Variants in CDC14A observed in about 807,000 individuals in gnomAD.
The protein encoded by CDC14A is dual specificity protein phosphatase CDC14A.
A neutral mutation model predicts 74.4 loss-of-function variants in CDC14A; 53 were observed. The observed-to-expected ratio is 0.71, with a 90% confidence interval of 0.57 to 0.89. The LOEUF is 0.89. CDC14A is among the 40% of genes least tolerant of loss of function. The pLI is 0.00. For missense variants in CDC14A, 646 were observed against 713.7 expected (o/e 0.91, Z 1.08); for synonymous variants, 247 against 258.4 (o/e 0.96, Z 0.43).
At chr1:100,432,369 A>G (rs1188223545) in intron 5 of CDC14A, among the ~76,000 whole-genome samples, 5 of 152,244 alleles carry the variant, frequency 3.3e-5, no homozygotes, top group African/African-American at 1.2e-4. Context: ...TCTGAAGTAT[A>G]CGGACAATAT....
chr1:100,350,968 C>T (rs1182125967), upstream of CDC14A, among the ~76,000 whole-genome samples: 1 of 151,998 alleles, frequency 6.6e-6, no homozygotes, highest in African/African-American at 2.4e-5. Context: ...CAAGGCAGGG[C>T]GGATTGCTTG....
At chr1:100,433,463 G>A (rs1226853663) in intron 5 of CDC14A, among the ~76,000 whole-genome samples, 1 of 152,114 alleles carries the variant, frequency 6.6e-6, no homozygotes, top group Non-Finnish European at 1.5e-5. Flanking sequence ...CCAACCCATT[G>A]CTCTGCAATT....
At position 100,390,784 on chromosome 1, in the gene CDC14A, G is replaced by A. The variant is rs759797751; in HGVS notation, c.269G>A (p.Arg90Gln). ...KIVHYTCFDQ[R>Q]KRANAAFLIG... is the part of the protein sequence containing the mutation. ...GTGCACTACACCTGTTTTGACCAACGGAAAAGAGCAAATGCAGCATTTTTG... is the reference window on the plus strand; with the variant it reads ...GTGCACTACACCTGTTTTGACCAACAGAAAAGAGCAAATGCAGCATTTTTG... The change falls in exon 4 of 16, where the codon CGG (arginine) becomes CAG (glutamine). Residue 90 changes from arginine to glutamine, a missense_variant. Physicochemically the swap from Arg to Gln is conservative, Grantham distance 43. Coordinates refer to ENST00000336454, the MANE Select transcript of CDC14A (RefSeq NM_003672.4). The A allele has an allele frequency of 4.3e-6, 7 of 1,613,062 alleles. No homozygotes were observed. The highest frequency in any genetic ancestry group is 2.2e-5 in the East Asian group (1 of 44,834).
intron 2 of CDC14A, among the ~76,000 whole-genome samples, chr1:100,376,590 G>A (rs1349456685): frequency 1.3e-5 from 2 of 152,136 alleles, no homozygotes; most frequent in African/African-American, 4.8e-5. Context: ...GCAGGTAGCC[G>A]AGATGGAGAA....
intron 4 of CDC14A, among the ~76,000 whole-genome samples, chr1:100,418,765 TC>T (rs1424093743): frequency 6.6e-6 from 1 of 152,208 alleles, no homozygotes; most frequent in East Asian, 1.9e-4. Flanking sequence ...CTTGCTTAGT[TC>T]CGTCTCTCAA....
chr1:100,382,628 C>T (rs921949733), intron 3 of CDC14A, among the ~76,000 whole-genome samples: 4 of 151,856 alleles, frequency 2.6e-5, no homozygotes, highest in African/African-American at 9.7e-5. Context: ...AAAAAGGGGA[C>T]ATTTTCTAGG....
intron 8 of CDC14A, among the ~76,000 whole-genome samples, chr1:100,460,860 A>ATT (rs955035813): frequency 4.6e-4 from 70 of 152,274 alleles, no homozygotes; most frequent in African/African-American, 1.6e-3. Flanking sequence ...GACCTGGCCA[A>ATT]GTGTACCAGT....
intron 5 of CDC14A, 89 bp downstream of exon 5, chr1:100,424,390 G>C: frequency 2.3e-6 from 2 of 873,344 alleles, no homozygotes; most frequent in Non-Finnish European, 3.9e-6. Flanking sequence ...ATTGTCTTAA[G>C]ATAATAACCA....
chr1:100,408,761 G>T (rs1011681622), intron 4 of CDC14A, among the ~76,000 whole-genome samples: 2 of 152,062 alleles, frequency 1.3e-5, no homozygotes, highest in African/African-American at 4.8e-5. Context: ...ACATAATGAG[G>T]TTTTGCTACA....
At chr1:100,404,898 T>C (rs914072133) in intron 4 of CDC14A, among the ~76,000 whole-genome samples, 3 of 152,062 alleles carry the variant, frequency 2.0e-5, no homozygotes, top group African/African-American at 7.3e-5. Flanking sequence ...AAGTGTAACC[T>C]CAGCCTCAAA....
chr1:100,351,948 G>A (rs1186324376), upstream of CDC14A: 3 of 730,462 alleles, frequency 4.1e-6, no homozygotes, highest in Non-Finnish European at 6.7e-6. Flanking sequence ...GGCGAGGCAG[G>A]GCACGGAGAT....
intron 4 of CDC14A, among the ~76,000 whole-genome samples, chr1:100,414,894 G>A (rs1400822414): frequency 6.6e-6 from 1 of 152,100 alleles, no homozygotes; most frequent in Non-Finnish European, 1.5e-5. Context: ...GTTTCTGTGT[G>A]TTAAGAACAT....
intron 13 of CDC14A, among the ~76,000 whole-genome samples, chr1:100,497,770 C>T (rs1648081391): frequency 6.6e-6 from 1 of 152,212 alleles, no homozygotes. Flanking sequence ...CCCAGGTCTG[C>T]TGTTCACTAA....
intron 10 of CDC14A, among the ~76,000 whole-genome samples, chr1:100,478,299 CA>C (rs1265863711): frequency 2.0e-5 from 3 of 151,866 alleles, no homozygotes; most frequent in Non-Finnish European, 4.4e-5. Flanking sequence ...GCTGCTTTTA[CA>C]ACTTGGTTGA....
chr1:100,489,587 T>TC (rs1275533433), intron 11 of CDC14A, among the ~76,000 whole-genome samples: 5 of 151,788 alleles, frequency 3.3e-5, no homozygotes, highest in Non-Finnish European at 5.9e-5. Context: ...CTCATGTTTT[T>TC]TTTTTTTAAT....
upstream of CDC14A, among the ~76,000 whole-genome samples, chr1:100,348,008 G>A (rs923571482): frequency 1.3e-4 from 20 of 152,126 alleles, no homozygotes; most frequent in African/African-American, 3.9e-4. Context: ...TTTCCGCCAG[G>A]TGCAGTGGTT....
intron 2 of CDC14A, among the ~76,000 whole-genome samples, chr1:100,367,201 A>G (rs1042903781): frequency 1.3e-5 from 2 of 152,194 alleles, no homozygotes; most frequent in Non-Finnish European, 2.9e-5. Context: ...CCCCAGGTTG[A>G]TGACCTTCCA....
At chr1:100,377,375 A>G (rs1349680564) in intron 2 of CDC14A, among the ~76,000 whole-genome samples, 171 bp from the exon 3 acceptor site, 1 of 152,200 alleles carries the variant, frequency 6.6e-6, no homozygotes, top group Non-Finnish European at 1.5e-5. Context: ...TAGAGTAACT[A>G]GAGGGCATTA....
intron 4 of CDC14A, among the ~76,000 whole-genome samples, chr1:100,413,557 C>T (rs1452128097): frequency 2.0e-5 from 3 of 152,288 alleles, no homozygotes; most frequent in African/African-American, 7.2e-5. Flanking sequence ...TGCTGGTCTA[C>T]CACCTTCTCT....
Sources: gnomAD v4.1 joint callset for allele counts (sites outside exome capture counted in the v4.1 genomes callset) on GRCh38, gnomAD v4.1.1 for gene constraint, MANE v1.5 for transcripts, NCBI Gene and HGNC (gene_info 2026-07-23, HGNC 2026-07-21) for gene names.